The following ZFAND6 variants were observed in gnomAD, a reference collection of about 807,000 sequenced individuals.
ZFAND6 encodes AN1-type zinc finger protein 6.
ZFAND6 carries 12 observed loss-of-function variants against 24.5 expected under a neutral mutation model. The observed-to-expected ratio is 0.49, with a 90% CI of 0.31 to 0.79. The LOEUF (loss-of-function observed/expected upper bound fraction) is 0.79, where lower values mean the gene tolerates loss of function less well. Among genes scored for constraint, ZFAND6 ranks in the 30% least tolerant of loss-of-function variants. The pLI is 0.04. For missense variants in ZFAND6, 207 were observed against 245.9 expected (o/e 0.84, Z 1.06); for synonymous variants, 92 against 81.5 (o/e 1.13, Z -0.69).
chr15:80,067,418 A>C (rs530530456), intron 1 of ZFAND6, among the ~76,000 whole-genome samples: 1 of 152,230 alleles, frequency 6.6e-6, no homozygotes, highest in Non-Finnish European at 1.5e-5. Context: ...GCCACAAAAT[A>C]GGTTAGGTCT....
chr15:80,090,024 A>G (rs888796477), intron 1 of ZFAND6, among the ~76,000 whole-genome samples: 3 of 152,204 alleles, frequency 2.0e-5, no homozygotes, highest in African/African-American at 7.2e-5. Context: ...TAATCACTGT[A>G]TAACTTCTCT....
chr15:80,093,788 C>T (rs916759998), intron 1 of ZFAND6, among the ~76,000 whole-genome samples: 1 of 152,212 alleles, frequency 6.6e-6, no homozygotes, highest in Non-Finnish European at 1.5e-5. Context: ...GACACACTTG[C>T]TACTGCCTTC....
intron 1 of ZFAND6, among the ~76,000 whole-genome samples, chr15:80,069,018 A>C (rs1396083314): frequency 6.6e-6 from 1 of 152,180 alleles, no homozygotes; most frequent in Non-Finnish European, 1.5e-5. Flanking sequence ...TGCTTTTCAG[A>C]ATTGTTTTCT....
chr15:80,137,397 T>G, intron 6 of ZFAND6, 83 bp from the exon 7 acceptor site: 3 of 1,449,156 alleles, frequency 2.1e-6, no homozygotes, highest in South Asian at 2.8e-5. Flanking sequence ...GCCCTAAATA[T>G]ATTGTGCTGT....
intron 1 of ZFAND6, among the ~76,000 whole-genome samples, chr15:80,074,972 G>GGT (rs1033254542): frequency 2.0e-5 from 3 of 151,944 alleles, no homozygotes; most frequent in African/African-American, 7.2e-5. Context: ...GAGCATGTAT[G>GGT]GTATGGAGTT....
At chr15:80,078,164 C>T (rs1345999733) in intron 1 of ZFAND6, among the ~76,000 whole-genome samples, 1 of 152,116 alleles carries the variant, frequency 6.6e-6, no homozygotes, top group African/African-American at 2.4e-5. Context: ...CACTCAGTGA[C>T]CATAGTACCT....
intron 1 of ZFAND6, among the ~76,000 whole-genome samples, chr15:80,081,546 A>G (rs1026510424): frequency 1.3e-5 from 2 of 152,188 alleles, no homozygotes; most frequent in African/African-American, 2.4e-5. Flanking sequence ...AAGGGAAGTG[A>G]CATGCATACA....
intron 2 of ZFAND6, among the ~76,000 whole-genome samples, chr15:80,107,290 T>C (rs2039382416): frequency 6.6e-6 from 1 of 152,204 alleles, no homozygotes; most frequent in Admixed American, 6.5e-5. Flanking sequence ...TTTTTTGTTT[T>C]TTAACTGTGA....
At chr15:80,108,392 C>T (rs1005170524) in intron 2 of ZFAND6, among the ~76,000 whole-genome samples, 1 of 151,958 alleles carries the variant, frequency 6.6e-6, no homozygotes, top group Admixed American at 6.6e-5. Context: ...GAATAAAAAG[C>T]CATAGATAGA....
intron 3 of ZFAND6, among the ~76,000 whole-genome samples, 163 bp from the exon 4 acceptor site, chr15:80,121,549 C>G (rs770389192): frequency 1.3e-5 from 2 of 152,098 alleles, no homozygotes; most frequent in Non-Finnish European, 2.9e-5. Context: ...TTTTCACTGG[C>G]AAACCGTTGA....
chr15:80,099,412 G>A (rs2038911171), intron 2 of ZFAND6, among the ~76,000 whole-genome samples: 1 of 152,144 alleles, frequency 6.6e-6, no homozygotes, highest in African/African-American at 2.4e-5. Context: ...TGAGCATGTA[G>A]ACAGAGACTT....
chr15:80,122,846 G>T (rs746013771), intron 5 of ZFAND6, 46 bp downstream of exon 5: 2 of 1,481,606 alleles, frequency 1.3e-6, no homozygotes, highest in South Asian at 2.3e-5. Context: ...AGTATTATAG[G>T]CCAGACACTA....
intron 1 of ZFAND6, among the ~76,000 whole-genome samples, chr15:80,061,503 T>TA: frequency 1.3e-5 from 2 of 152,362 alleles, no homozygotes; most frequent in Admixed American, 1.3e-4. Flanking sequence ...ATGAGTTTCT[T>TA]ATCTGTGCAG....
intron 1 of ZFAND6, among the ~76,000 whole-genome samples, chr15:80,076,073 A>T (rs778672095): frequency 5.9e-5 from 9 of 152,098 alleles, no homozygotes; most frequent in Non-Finnish European, 1.3e-4. Context: ...TTTCTCCTTT[A>T]CAACCATTAA....
chr15:80,083,193 G>T (rs946279093), intron 1 of ZFAND6, among the ~76,000 whole-genome samples: 2 of 152,132 alleles, frequency 1.3e-5, no homozygotes, highest in South Asian at 2.1e-4. Flanking sequence ...GGGTTTCACC[G>T]TGTTAGCTGG....
intron 6 of ZFAND6, among the ~76,000 whole-genome samples, chr15:80,136,283 G>A (rs1307121528): frequency 2.0e-5 from 3 of 152,098 alleles, no homozygotes; most frequent in East Asian, 3.9e-4. Context: ...TGGCCAACAT[G>A]GTGAAACTCA....
chr15:80,075,996 C>T (rs891757540), intron 1 of ZFAND6, among the ~76,000 whole-genome samples: 1 of 151,946 alleles, frequency 6.6e-6, no homozygotes, highest in African/African-American at 2.4e-5. Flanking sequence ...GCTTGAAACT[C>T]TTCTCATTAT....
At chr15:80,113,549 G>A (rs1466025611) in intron 2 of ZFAND6, among the ~76,000 whole-genome samples, 2 of 152,086 alleles carry the variant, frequency 1.3e-5, no homozygotes, top group African/African-American at 4.8e-5. Context: ...ACTGCCTTGG[G>A]CTGTTGGTCA....
intron 1 of ZFAND6, among the ~76,000 whole-genome samples, chr15:80,095,426 T>A (rs905160328): frequency 3.0e-4 from 45 of 152,224 alleles, no homozygotes; most frequent in Non-Finnish European, 6.5e-4. Flanking sequence ...TTCCTCTACT[T>A]AAGTTAATAT....
Sources: gnomAD v4.1 joint callset for allele counts (sites outside exome capture counted in the v4.1 genomes callset) on GRCh38, gnomAD v4.1.1 for gene constraint, MANE v1.5 for transcripts, NCBI Gene and HGNC (gene_info 2026-07-23, HGNC 2026-07-21) for gene names.